Variants in TNKS observed in about 807,000 individuals in gnomAD.
TNKS encodes the protein tankyrase.
In TNKS, 72 loss-of-function variants were observed where a neutral mutation model predicts 135.8. That is an observed-to-expected ratio of 0.53 (90% CI 0.44 to 0.64). TNKS has a LOEUF of 0.64. Among genes scored for constraint, TNKS ranks in the 30% least tolerant of loss-of-function variants. The probability of loss-of-function intolerance (pLI) is 0.00; values close to 1 mark genes in which losing one functional copy is unlikely to be tolerated. For synonymous variants in TNKS, 849 were observed against 649.3 expected (o/e 1.31, Z -4.68); for missense variants, 1,769 against 1,674.0 (o/e 1.06, Z -0.99).
intron 3 of TNKS, among the ~76,000 whole-genome samples, chr8:9,636,247 A>C (rs1391692123): frequency 6.6e-6 from 1 of 152,132 alleles, no homozygotes; most frequent in East Asian, 1.9e-4. Flanking sequence ...TAATTTTGCA[A>C]ATTTTCTGTT....
intron 2 of TNKS, among the ~76,000 whole-genome samples, chr8:9,597,616 A>C (rs2128757287): frequency 6.6e-6 from 1 of 152,346 alleles, no homozygotes; most frequent in South Asian, 2.1e-4. Flanking sequence ...TTTCCCCACA[A>C]ATATTTCAAT....
intron 2 of TNKS, among the ~76,000 whole-genome samples, chr8:9,601,117 A>C (rs1799000004): frequency 6.6e-6 from 1 of 152,216 alleles, no homozygotes; most frequent in Non-Finnish European, 1.5e-5. Flanking sequence ...AATAACACAT[A>C]TATGTAATAA....
intron 3 of TNKS, among the ~76,000 whole-genome samples, chr8:9,618,114 G>A (rs926791213): frequency 6.6e-6 from 1 of 151,102 alleles, no homozygotes; most frequent in Non-Finnish European, 1.5e-5. Flanking sequence ...AGCCTCCCGA[G>A]TAGCTGGGAC....
intron 1 of TNKS, chr8:9,558,166 T>C (rs2129048733): frequency 6.6e-6 from 1 of 152,310 alleles, no homozygotes; most frequent in African/African-American, 2.4e-5. Flanking sequence ...TGTGTTGTCC[T>C]CTGATATTTT....
chr8:9,643,624 G>C (rs1800803434), intron 3 of TNKS, among the ~76,000 whole-genome samples: 1 of 152,098 alleles, frequency 6.6e-6, no homozygotes, highest in African/African-American at 2.4e-5. Flanking sequence ...TAGAAAATAA[G>C]TATTGGCAAG....
At chr8:9,617,437 C>G (rs2128766231) in intron 3 of TNKS, among the ~76,000 whole-genome samples, 1 of 152,234 alleles carries the variant, frequency 6.6e-6, no homozygotes, top group South Asian at 2.1e-4. Context: ...TCAAGAATAT[C>G]TACTTTTTTG....
intron 2 of TNKS, among the ~76,000 whole-genome samples, chr8:9,583,530 C>G (rs1327262256): frequency 6.6e-6 from 1 of 151,838 alleles, no homozygotes; most frequent in Non-Finnish European, 1.5e-5. Context: ...TGCTCTGTCA[C>G]CAGGCTGGAG....
At chr8:9,761,385 C>CATGT (rs139570911) in intron 20 of TNKS, 131 bp from the exon 21 acceptor site, 48,431 of 911,366 alleles carry the variant, frequency 0.053, 1,629 homozygotes, top group Middle Eastern at 0.067. Context: ...ATTGTAAGCT[C>CATGT]ATGTTTATAA....
At chr8:9,683,752 G>A (rs1344784203) in intron 5 of TNKS, among the ~76,000 whole-genome samples, 4 of 151,718 alleles carry the variant, frequency 2.6e-5, no homozygotes, top group Non-Finnish European at 5.9e-5. Flanking sequence ...ATTCTATACT[G>A]TGACTTGATG....
At chr8:9,592,924 T>C (rs1798640489) in intron 2 of TNKS, among the ~76,000 whole-genome samples, 3 of 152,240 alleles carry the variant, frequency 2.0e-5, no homozygotes, top group Admixed American at 2.0e-4. Context: ...ATGCAAATTA[T>C]GTTTAGATTA....
At chr8:9,615,754 A>C (rs1799622473) in intron 3 of TNKS, 77 bp downstream of exon 3, 1 of 1,219,614 alleles carries the variant, frequency 8.2e-7, no homozygotes, top group African/African-American at 1.5e-5. Flanking sequence ...TGTTATGCTG[A>C]ATTTTTCTTT....
At chr8:9,590,492 T>C (rs910558151) in intron 2 of TNKS, among the ~76,000 whole-genome samples, 1 of 152,220 alleles carries the variant, frequency 6.6e-6, no homozygotes, top group Admixed American at 6.5e-5. Flanking sequence ...TTTACTTGTT[T>C]GTTTGCCATC....
intron 25 of TNKS, among the ~76,000 whole-genome samples, chr8:9,766,932 A>T (rs552861329): frequency 6.6e-6 from 1 of 152,306 alleles, no homozygotes; most frequent in South Asian, 2.1e-4. Context: ...ACTAGGGGTA[A>T]AAACCAGGTA....
chr8:9,706,175 C>G lies in TNKS; in HGVS notation c.1203-12C>G, dbSNP rs919603958. 6.4e-7 allele frequency: 1 copy of G among 1,556,244 alleles called. No individual in the cohort carries two copies. Among genetic ancestry groups the G allele is most frequent in the Admixed American group, 2.0e-5 (1 of 50,248 alleles). The stretch of plus-strand genomic sequence containing the variant: ...GAAATTTAAGTATTTTAATTTGCCT[C>G]TTTTCATTTAGTGGACTTGTGCCTC... On this transcript the variant is annotated splice_polypyrimidine_tract_variant and intron_variant, in intron 6 of 26. Coordinates refer to ENST00000310430, the MANE Select transcript of TNKS (RefSeq NM_003747.3).
chr8:9,694,055 T>C (rs187384836), intron 5 of TNKS, among the ~76,000 whole-genome samples: 45 of 152,300 alleles, frequency 3.0e-4, no homozygotes, highest in Admixed American at 2.6e-3. Context: ...ATACACTGTA[T>C]GTCACAGTTT....
At chr8:9,594,199 T>G (rs1798690015) in intron 2 of TNKS, among the ~76,000 whole-genome samples, 1 of 152,126 alleles carries the variant, frequency 6.6e-6, no homozygotes, top group Non-Finnish European at 1.5e-5. Context: ...CTCCTGTTAT[T>G]TTAAGTATAG....
At position 9,556,342 on chromosome 8, in the gene TNKS, C is replaced by G; in HGVS notation, c.403C>G (p.Pro135Ala). ...CAATTCACCGTCGTCCTCTTCTTCC[C>G]CGACTTCTTCCTCATCTTCCTCTCC... ...SNNSPSSSSS[P>A]TSSSSSSPSS... Residue 135 changes from proline to alanine, a missense_variant, in exon 1 of 27, where the codon CCG (proline) becomes GCG (alanine). By Grantham distance (27) the Pro-to-Ala change is conservative (BLOSUM62 -1). Around this residue, in one of 5 missense-constraint regions of TNKS, gnomAD observed 450 missense variants for 304.9 expected, o/e 1.48. Coordinates refer to ENST00000310430, the MANE Select transcript of TNKS (RefSeq NM_003747.3). 8 of 1,614,226 alleles carry G rather than the reference C, an allele frequency of 5.0e-6. No homozygotes were observed. Among genetic ancestry groups the G allele is most frequent in the Non-Finnish European group, 6.8e-6 (8 of 1,180,040 alleles).
chr8:9,602,536 T>G (rs1347609818), intron 2 of TNKS, among the ~76,000 whole-genome samples: 1 of 152,160 alleles, frequency 6.6e-6, no homozygotes, highest in Non-Finnish European at 1.5e-5. Context: ...GTTCATGTCT[T>G]TATCATTGTA....
chr8:9,670,381 G>C (rs1370424086), intron 3 of TNKS, among the ~76,000 whole-genome samples: 1 of 152,136 alleles, frequency 6.6e-6, no homozygotes, highest in East Asian at 1.9e-4. Flanking sequence ...TTATCTTATT[G>C]GGAAACCATT....
Sources: gnomAD v4.1 joint callset for allele counts (sites outside exome capture counted in the v4.1 genomes callset) on GRCh38, gnomAD v4.1.1 for gene constraint, gnomAD v4.1.1 regional missense constraint, MANE v1.5 for transcripts, NCBI Gene and HGNC (gene_info 2026-07-23, HGNC 2026-07-21) for gene names.